Variants in PRSS16 observed in about 807,000 individuals in gnomAD.
The protein encoded by PRSS16 is thymus-specific serine protease.
PRSS16 carries 43 observed loss-of-function variants against 61.7 expected under a neutral mutation model. That is an observed-to-expected ratio of 0.70 (90% CI 0.55 to 0.90). The LOEUF is 0.90. Ranked by LOEUF, PRSS16 falls within the 40% of genes least tolerant of loss-of-function variation. The pLI is 0.00. For synonymous variants in PRSS16, 273 were observed against 285.2 expected (o/e 0.96, Z 0.43); for missense variants, 591 against 659.1 (o/e 0.90, Z 1.13).
chr6:27,247,885 C>T lies in PRSS16; in HGVS notation c.74C>T (p.Ser25Phe), dbSNP rs1409784846. The T allele has an allele frequency of 2.5e-6, 4 of 1,610,052 alleles. No individual in the cohort carries two copies. In the African/African-American group the frequency reaches 4.0e-5, roughly 16 times the overall value. Residue 25 changes from serine to phenylalanine, a missense_variant, in exon 2 of 12, where the codon TCC becomes TTC. Transcript: ENST00000230582. ...TCCTTCCCTCCATGTCCCACAGCCTCCCTTCTTAGGCGCCTGGGTGAGCAC... is the reference window on the plus strand; with the variant it reads ...TCCTTCCCTCCATGTCCCACAGCCTTCCTTCTTAGGCGCCTGGGTGAGCAC... ...VSLWGLLAPA[S>F]LLRRLGEHIQ... is the part of the protein sequence containing the mutation.
Position 27,252,921 on chromosome 6 carries a change from G to T in PRSS16, c.1122G>T (p.Leu374Phe). ...CTGGTGTGGGTGACCGGCAGTGGTT[G>T]TATCAGACATGTACCGAGTTCGGCT... ...QLSGVGDRQW[L>F]YQTCTEFGFY... Residue 374 changes from leucine (L) to phenylalanine (F), a missense_variant, in exon 9 of 12, where the codon TTG (leucine) becomes TTT (phenylalanine). By Grantham distance (22) the Leu-to-Phe change is conservative. Transcript: ENST00000230582. The surrounding 1 kb of genome is among the most constrained non-coding windows in gnomAD (Gnocchi z 4.2). 1 of 1,614,180 alleles carries T rather than the reference G, an allele frequency of 6.2e-7. No homozygotes were observed. Among genetic ancestry groups the T allele is most frequent in the South Asian group, 1.1e-5 (1 of 91,076 alleles).
rs1465793616 is a variant in PRSS16 at position 27,251,203 on chromosome 6, C to A, written c.670-14C>A. 9 of 1,613,044 alleles carry A rather than the reference C, an allele frequency of 5.6e-6. No individual in the cohort carries two copies. Among genetic ancestry groups the A allele is most frequent in the South Asian group, 3.3e-5 (3 of 90,964 alleles). Reference sequence around the variant, plus strand: ...TGACACTTCCGGATACCTTCCTCTGCGGTCCGCCCACAGGTGGTATCCCGA... The same window carrying A: ...TGACACTTCCGGATACCTTCCTCTGAGGTCCGCCCACAGGTGGTATCCCGA... On this transcript the variant is annotated splice_polypyrimidine_tract_variant and intron_variant, in intron 6 of 11. Transcript: ENST00000230582. The surrounding 1 kb of genome is among the most constrained non-coding windows in gnomAD (Gnocchi z 5.6).
chr6:27,251,179 G>T lies in PRSS16; in HGVS notation c.670-38G>T. On this transcript the variant is annotated intron_variant, in intron 6 of 11. Coordinates refer to ENST00000230582, the MANE Select transcript of PRSS16 (RefSeq NM_005865.4). This position sits in a 1 kb window ranked among gnomAD's most constrained non-coding sequence, Gnocchi z 5.6. ...GGGGTCCCAGCGGGCGGAGTCCCTT[G>T]ACACTTCCGGATACCTTCCTCTGCG... The T allele has an allele frequency of 6.2e-7, 1 of 1,613,922 alleles. No homozygotes were observed. The highest frequency in any genetic ancestry group is 8.5e-7 in the Non-Finnish European group (1 of 1,179,962).
chr6:27,251,600 T>TGGGGGCGGGGGCCTGGGGGCGGGGGCCG lies in PRSS16; in HGVS notation c.718-133_718-132insGGCGGGGGCCGGGGGGCGGGGGCCTGGG. ...AGGCAGGGGATTGGGGGCGGGGGCC[T>TGGGGGCGGGGGCCTGGGGGCGGGGGCCG]GGGGGCGGGGGCCTGGGCCAAGAGC... is the stretch of plus-strand genomic sequence containing the variant. On this transcript the variant is annotated intron_variant, in intron 7 of 11. Coordinates refer to ENST00000230582, the MANE Select transcript of PRSS16 (RefSeq NM_005865.4). The surrounding 1 kb of genome is among the most constrained non-coding windows in gnomAD (Gnocchi z 5.6). 2.5e-6 allele frequency: 1 copy of TGGGGGCGGGGGCCTGGGGGCGGGGGCCG among 408,114 alleles called. No individual in the cohort carries two copies. Among genetic ancestry groups the TGGGGGCGGGGGCCTGGGGGCGGGGGCCG allele is most frequent in the African/African-American group, 1.4e-4 (1 of 7,282 alleles). The allele number at this position is 408,114 out of a possible 1,614,324, so 25.3% of individuals were successfully genotyped here.
chr6:27,252,304 T>TG lies in PRSS16; in HGVS notation c.1008+270dup. On this transcript the variant is annotated intron_variant, in intron 8 of 11. Transcript: ENST00000230582. This position sits in a 1 kb window ranked among gnomAD's most constrained non-coding sequence, Gnocchi z 4.2. ...TTGCCTATCCTGTCCTGTTCTCTTT[T>TG]GGGGGGCCTGCAGGAGTGCCTGGCA... 2.1e-6 allele frequency: 1 copy of TG among 473,902 alleles called. No individual in the cohort carries two copies. The highest frequency in any genetic ancestry group is 3.6e-6 in the Non-Finnish European group (1 of 274,060). 29.4% of individuals were successfully genotyped at this position (473,902 alleles called of 1,614,324 possible).
At chr6:27,250,232 G>A (rs1262717328) in intron 4 of PRSS16, among the ~76,000 whole-genome samples, 1 of 152,182 alleles carries the variant, frequency 6.6e-6, no homozygotes, top group Non-Finnish European at 1.5e-5. Flanking sequence ...CCCTTGGGAG[G>A]AGAAAGAGGA....
At chr6:27,254,633 T>C (rs1759988505) in intron 9 of PRSS16, 60 bp from the exon 10 acceptor site, 4 of 1,449,000 alleles carry the variant, frequency 2.8e-6, no homozygotes, top group South Asian at 2.4e-5. Context: ...TGAAAATGAT[T>C]ATTGAAGGAG....
Position 27,252,682 on chromosome 6 carries a change from C to G in PRSS16, c.1009-126C>G. ...TCCACCCCCTCTGACCACTGACTCC[C>G]AGGAGAACTCAGGAACTCACCCTTC... On this transcript the variant is annotated intron_variant, in intron 8 of 11. Transcript: ENST00000230582. This position sits in a 1 kb window ranked among gnomAD's most constrained non-coding sequence, Gnocchi z 4.2. 9.8e-7 allele frequency: 1 copy of G among 1,020,588 alleles called. No homozygotes were observed. The highest frequency in any genetic ancestry group is 1.4e-6 in the Non-Finnish European group (1 of 693,212). The allele number at this position is 1,020,588 out of a possible 1,614,324, so 63.2% of individuals were successfully genotyped here. A position where few individuals can be genotyped will look rare whatever the true frequency, so the allele number is the denominator to read the frequency against.
chr6:27,251,004 C>T lies in PRSS16; in HGVS notation c.592-38C>T. 6.2e-7 allele frequency: 1 copy of T among 1,608,032 alleles called. No individual in the cohort carries two copies. Among genetic ancestry groups the T allele is most frequent in the Non-Finnish European group, 8.5e-7 (1 of 1,176,394 alleles). On this transcript the variant is annotated intron_variant, in intron 5 of 11. Coordinates refer to ENST00000230582, the MANE Select transcript of PRSS16 (RefSeq NM_005865.4). The surrounding 1 kb of genome is among the most constrained non-coding windows in gnomAD (Gnocchi z 5.6). ...GAGGCAGAAAGATATGCGATTCCAA[C>T]CCCTCAGCCCGCAGGCTGACGGCGT...
chr6:27,249,419 ATCTG>A (rs1759820696), intron 4 of PRSS16, among the ~76,000 whole-genome samples, 190 bp downstream of exon 4: 1 of 151,754 alleles, frequency 6.6e-6, no homozygotes, highest in South Asian at 2.1e-4. Context: ...GACTCTCCCT[ATCTG>A]TCTTTCTCTT....
In PRSS16 at chr6:27,251,082, CG is replaced by C. The variant is rs1561773398; in HGVS notation, c.634del (p.Val212CysfsTer18). On this transcript the variant is annotated frameshift_variant, in exon 6 of 12. Coordinates refer to ENST00000230582, the MANE Select transcript of PRSS16 (RefSeq NM_005865.4). LOFTEE classifies it high-confidence loss of function. The surrounding 1 kb of genome is among the most constrained non-coding windows in gnomAD (Gnocchi z 5.6). Reference protein sequence around the residue: ...LIFASVASSAPVRAVLDFSEY... With the variant: ...LIFASVASSAXVRAVLDFSEY... The stretch of plus-strand genomic sequence containing the variant: ...TTCGCGTCGGTCGCCTCCTCCGCCC[CG>C]GTGCGGGCCGTGCTGGATTTCTCCG... The C allele has an allele frequency of 1.9e-6, 3 of 1,614,108 alleles. No homozygotes were observed. The highest frequency in any genetic ancestry group is 2.5e-6 in the Non-Finnish European group (3 of 1,180,038).
In PRSS16 at chr6:27,256,388, C is replaced by T. The variant is rs1180424681; in HGVS notation, c.*1073C>T. 2 of 152,630 alleles carry T rather than the reference C, an allele frequency of 1.3e-5. No homozygotes were observed. The highest frequency in any genetic ancestry group is 6.5e-5 in the Admixed American group (1 of 15,276). 9.5% of individuals were successfully genotyped at this position (152,630 alleles called of 1,614,324 possible). On this transcript the variant is annotated 3_prime_UTR_variant, in exon 12 of 12. Coordinates refer to ENST00000230582, the MANE Select transcript of PRSS16 (RefSeq NM_005865.4). Reference sequence around the variant, plus strand: ...CTATGTTAGCTGTGACAGGAACCTGCCATAGATTTGCACTGTTCTTTCCTA... The same window carrying T: ...CTATGTTAGCTGTGACAGGAACCTGTCATAGATTTGCACTGTTCTTTCCTA...
intron 5 of PRSS16, 90 bp from the exon 6 acceptor site, chr6:27,250,952 G>A (rs1759872892): frequency 2.5e-6 from 4 of 1,581,488 alleles, no homozygotes; most frequent in South Asian, 2.2e-5. Context: ...ACAAGAGCCC[G>A]AGATTACACA....
chr6:27,254,626 A>G (rs907187792), intron 9 of PRSS16, 67 bp from the exon 10 acceptor site: 1 of 1,435,422 alleles, frequency 7.0e-7, no homozygotes, highest in Non-Finnish European at 9.7e-7. Context: ...AAAGCTTTGA[A>G]AATGATTATT....
chr6:27,251,392 G>T lies in PRSS16; in HGVS notation c.717+128G>T. 1 of 1,208,404 alleles carries T rather than the reference G, an allele frequency of 8.3e-7. No individual in the cohort carries two copies. Among genetic ancestry groups the T allele is most frequent in the Non-Finnish European group, 1.1e-6 (1 of 887,718 alleles). The allele number at this position is 1,208,404 out of a possible 1,614,324, so 74.9% of individuals were successfully genotyped here. ...GTCTAAGGAAGGTCGGAGCTCGGGGGAATACGCAGGTTTTGGAAGAAGGCG... is the reference window on the plus strand; with the variant it reads ...GTCTAAGGAAGGTCGGAGCTCGGGGTAATACGCAGGTTTTGGAAGAAGGCG... On this transcript the variant is annotated intron_variant, in intron 7 of 11. Coordinates refer to ENST00000230582, the MANE Select transcript of PRSS16 (RefSeq NM_005865.4). This position sits in a 1 kb window ranked among gnomAD's most constrained non-coding sequence, Gnocchi z 5.6.
chr6:27,250,696 G>GTC lies in PRSS16; in HGVS notation c.485_486dup (p.Ala163LeufsTer35). ...CTTTGACCCTAGGCTGGCTGATGTGGTCTCTGCCCGCCTGGCACTTTCCCG... is the reference window on the plus strand; with the variant it reads ...CTTTGACCCTAGGCTGGCTGATGTGGTCTCTCTGCCCGCCTGGCACTTTCCCG... On this transcript the variant is annotated frameshift_variant, in exon 5 of 12. Transcript: ENST00000230582. LOFTEE classifies it high-confidence loss of function. 2 of 1,611,854 alleles carry GTC rather than the reference G, an allele frequency of 1.2e-6. No individual in the cohort carries two copies. Among genetic ancestry groups the GTC allele is most frequent in the Non-Finnish European group, 1.7e-6 (2 of 1,178,856 alleles).
At position 27,251,445 on chromosome 6, in the gene PRSS16, G is replaced by A; in HGVS notation, c.717+181G>A. 2 of 836,970 alleles carry A rather than the reference G, an allele frequency of 2.4e-6. No homozygotes were observed. The highest frequency in any genetic ancestry group is 5.4e-5 in the East Asian group (2 of 36,938). 51.8% of individuals were successfully genotyped at this position (836,970 alleles called of 1,614,324 possible). A position where few individuals can be genotyped will look rare whatever the true frequency, so the allele number is the denominator to read the frequency against. On this transcript the variant is annotated intron_variant, in intron 7 of 11. Coordinates refer to ENST00000230582, the MANE Select transcript of PRSS16 (RefSeq NM_005865.4). This position sits in a 1 kb window ranked among gnomAD's most constrained non-coding sequence, Gnocchi z 5.6. ...AGCTGACGAAGAGGAGGGGCACCAGGAAAAGAGGCGCTCCCCAGAGAGGGC... is the reference window on the plus strand; with the variant it reads ...AGCTGACGAAGAGGAGGGGCACCAGAAAAAGAGGCGCTCCCCAGAGAGGGC...
In PRSS16 at chr6:27,251,655, G is replaced by A. The variant is rs1759906800; in HGVS notation, c.718-95G>A. 4 of 1,456,052 alleles carry A rather than the reference G, an allele frequency of 2.7e-6. No individual in the cohort carries two copies. In the South Asian group the frequency reaches 5.6e-5, roughly 20 times the overall value. 90.2% of individuals were successfully genotyped at this position (1,456,052 alleles called of 1,614,324 possible). On this transcript the variant is annotated intron_variant, in intron 7 of 11. Transcript: ENST00000230582. This position sits in a 1 kb window ranked among gnomAD's most constrained non-coding sequence, Gnocchi z 5.6. ...TCTGCACCCTCTGAGTCCCGCTAGG[G>A]GAAAGTGGGGAACCCAAGGAGGACG...
chr6:27,253,477 C>A (rs1263210346), intron 9 of PRSS16: 1 of 452,872 alleles, frequency 2.2e-6, no homozygotes. Context: ...TTCATAGCAT[C>A]CACAGAGATC....
Sources: gnomAD v4.1 joint callset for allele counts (sites outside exome capture counted in the v4.1 genomes callset) on GRCh38, gnomAD v4.1.1 for gene constraint, Gnocchi (gnomAD v3.1) non-coding constraint, MANE v1.5 for transcripts, NCBI Gene and HGNC (gene_info 2026-07-23, HGNC 2026-07-21) for gene names.